FRYL: variants seen among roughly 807,000 people sequenced by gnomAD.
FRYL encodes protein furry homolog-like.
In FRYL, 150 loss-of-function variants were observed where a neutral mutation model predicts 351.2. That is an observed-to-expected ratio of 0.43 (90% CI 0.37 to 0.49). The LOEUF (loss-of-function observed/expected upper bound fraction) is 0.49. Among genes scored for constraint, FRYL ranks in the 20% least tolerant of loss-of-function variants. The pLI is 0.00. For synonymous variants in FRYL, 1,153 were observed against 1,257.1 expected (o/e 0.92, Z 1.75); for missense variants, 3,036 against 3,619.3 (o/e 0.84, Z 4.13).
At chr4:48,590,036 G>A (rs1325484280) in intron 17 of FRYL, among the ~76,000 whole-genome samples, 159 bp from the exon 18 acceptor site, 1 of 152,194 alleles carries the variant, frequency 6.6e-6, no homozygotes, top group African/African-American at 2.4e-5. Flanking sequence ...ATCAGCTTCA[G>A]TATATTGGAC....
intron 58 of FRYL, 29 bp downstream of exon 58, chr4:48,510,806 T>G (rs767734130): frequency 1.3e-6 from 2 of 1,573,286 alleles, no homozygotes; most frequent in South Asian, 2.3e-5. Flanking sequence ...AATGTAGTCT[T>G]TATAATAAAC....
At chr4:48,552,631 T>A (rs1368313183) in intron 36 of FRYL, among the ~76,000 whole-genome samples, 1 of 151,954 alleles carries the variant, frequency 6.6e-6, no homozygotes, top group African/African-American at 2.4e-5. Context: ...CTTTAAAAAA[T>A]TATAATTAAA....
intron 1 of FRYL, among the ~76,000 whole-genome samples, chr4:48,764,566 A>T (rs1048308697): frequency 2.0e-5 from 3 of 152,008 alleles, no homozygotes; most frequent in African/African-American, 7.2e-5. Flanking sequence ...AAAAAACATT[A>T]ACTGCATTTC....
At chr4:48,507,125 GTTGA>G (rs1475767354) in intron 59 of FRYL, among the ~76,000 whole-genome samples, 1 of 152,108 alleles carries the variant, frequency 6.6e-6, no homozygotes, top group African/African-American at 2.4e-5. Context: ...AATAATTTCA[GTTGA>G]TTATTTATTT....
intron 27 of FRYL, 132 bp downstream of exon 27, chr4:48,570,695 A>C (rs1482010539): frequency 1.7e-6 from 1 of 589,774 alleles, no homozygotes; most frequent in Admixed American, 3.0e-5. Flanking sequence ...TTGTTAAATA[A>C]TTTTCACAGT....
chr4:48,565,582 T>A lies in FRYL; in HGVS notation c.3279A>T (p.Arg1093Ser), dbSNP rs1736593635. The A allele has an allele frequency of 6.2e-7, 1 of 1,612,856 alleles. No individual in the cohort carries two copies. The highest frequency in any genetic ancestry group is 1.3e-5 in the African/African-American group (1 of 74,824). ...TAATTTGCATATTTCTATCACTGTATCTGTCCAAGGGCGTAAACATGATGC... is the reference window on the plus strand; with the variant it reads ...TAATTTGCATATTTCTATCACTGTAACTGTCCAAGGGCGTAAACATGATGC... ...PFSIMFTPLD[R>S]YSDRNMQINR... is the part of the protein sequence containing the mutation. Residue 1093 changes from arginine to serine, a missense_variant, in exon 29 of 64, where the codon AGA (arginine) becomes AGT (serine). Coordinates refer to ENST00000358350, the MANE Select transcript of FRYL (RefSeq NM_015030.2).
intron 2 of FRYL, among the ~76,000 whole-genome samples, chr4:48,687,814 G>A (rs1190322773): frequency 2.0e-5 from 3 of 151,992 alleles, no homozygotes; most frequent in Middle Eastern, 3.2e-3. Flanking sequence ...TCCACAATTC[G>A]AATTGAACAG....
At chr4:48,580,652 T>C in intron 22 of FRYL, 1 of 407,200 alleles carries the variant, frequency 2.5e-6, no homozygotes, top group Non-Finnish European at 4.3e-6. Flanking sequence ...CATAAAATAA[T>C]TTTTATTTCT....
At chr4:48,562,743 T>C in intron 32 of FRYL, 146 bp downstream of exon 32, 1 of 573,868 alleles carries the variant, frequency 1.7e-6, no homozygotes, top group Non-Finnish European at 3.1e-6. Flanking sequence ...CTTATACTTC[T>C]AATAATAATT....
chr4:48,656,880 T>C (rs1178096704), intron 3 of FRYL, among the ~76,000 whole-genome samples: 1 of 152,024 alleles, frequency 6.6e-6, no homozygotes, highest in African/African-American at 2.4e-5. Context: ...CACTTCCCAT[T>C]TATATGTAGA....
chr4:48,597,611 T>A (rs899059791), intron 13 of FRYL, among the ~76,000 whole-genome samples: 4 of 152,192 alleles, frequency 2.6e-5, no homozygotes, highest in African/African-American at 9.7e-5. Flanking sequence ...GTCCCATTAG[T>A]TTTTAGGTAC....
At chr4:48,673,536 T>C (rs984924092) in intron 3 of FRYL, among the ~76,000 whole-genome samples, 1 of 151,966 alleles carries the variant, frequency 6.6e-6, no homozygotes, top group African/African-American at 2.4e-5. Flanking sequence ...TACCGGTGCA[T>C]GACACTGCAC....
chr4:48,736,863 A>AAG (rs1413143581), intron 1 of FRYL, among the ~76,000 whole-genome samples: 14 of 150,624 alleles, frequency 9.3e-5, no homozygotes, highest in Non-Finnish European at 1.6e-4. Flanking sequence ...AAAAAAAAAA[A>AAG]AAAAAAAGAA....
At chr4:48,601,033 C>T (rs1046859636) in intron 13 of FRYL, among the ~76,000 whole-genome samples, 1 of 152,040 alleles carries the variant, frequency 6.6e-6, no homozygotes, top group Admixed American at 6.5e-5. Flanking sequence ...GAAAATTATA[C>T]ATAAAATCAT....
intron 49 of FRYL, among the ~76,000 whole-genome samples, chr4:48,533,206 A>G (rs1189378754): frequency 6.6e-6 from 1 of 152,158 alleles, no homozygotes; most frequent in Non-Finnish European, 1.5e-5. Flanking sequence ...CCTATGGTTC[A>G]GAAGGTAGTG....
chr4:48,550,900 C>T (rs1418192467), intron 37 of FRYL, among the ~76,000 whole-genome samples, 196 bp from the exon 38 acceptor site: 3 of 151,974 alleles, frequency 2.0e-5, no homozygotes, highest in Non-Finnish European at 4.4e-5. Flanking sequence ...GGTGAAACCC[C>T]GTGTCTACTA....
intron 3 of FRYL, among the ~76,000 whole-genome samples, chr4:48,645,488 G>A (rs1186297080): frequency 6.6e-6 from 1 of 151,968 alleles, no homozygotes; most frequent in Non-Finnish European, 1.5e-5. Context: ...AAACATATAA[G>A]AATTTGTCTG....
intron 3 of FRYL, among the ~76,000 whole-genome samples, chr4:48,645,121 A>ATT (rs1451673945): frequency 1.7e-4 from 3 of 18,000 alleles, no homozygotes; most frequent in Non-Finnish European, 3.5e-4. Context: ...GTGAGCTTTC[A>ATT]TTTTATATAT....
At chr4:48,667,924 A>C (rs1250022646) in intron 3 of FRYL, among the ~76,000 whole-genome samples, 1 of 152,232 alleles carries the variant, frequency 6.6e-6, no homozygotes, top group East Asian at 1.9e-4. Flanking sequence ...CTGTGATTAC[A>C]GGCGAGAGCC....
Sources: allele counts gnomAD v4.1 joint callset (sites outside exome capture counted in the v4.1 genomes callset), GRCh38; gene constraint gnomAD v4.1.1; transcripts MANE v1.5; gene names NCBI Gene and HGNC (gene_info 2026-07-23, HGNC 2026-07-21).